Variants in JAK1 observed in about 807,000 individuals in gnomAD.
The protein encoded by JAK1 is tyrosine-protein kinase JAK1.
A neutral mutation model predicts 136.6 loss-of-function variants in JAK1; 16 were observed. The observed-to-expected ratio is 0.12, with a 90% CI of 0.08 to 0.18. The LOEUF is 0.18. Ranked by LOEUF, JAK1 falls within the 10% of genes least tolerant of loss-of-function variation. JAK1 has a pLI of 1.00. For synonymous variants in JAK1, 492 were observed against 519.5 expected (o/e 0.95, Z 0.72); for missense variants, 859 against 1,450.1 (o/e 0.59, Z 6.62).
At chr1:64,898,307 A>G (rs1217122252) in intron 1 of JAK1, among the ~76,000 whole-genome samples, 2 of 152,154 alleles carry the variant, frequency 1.3e-5, no homozygotes, top group Non-Finnish European at 2.9e-5. Context: ...TGCCCTTGGG[A>G]GTCACTCTGA....
intron 1 of JAK1, among the ~76,000 whole-genome samples, chr1:64,958,754 C>T (rs1032441238): frequency 6.6e-6 from 1 of 152,148 alleles, no homozygotes; most frequent in African/African-American, 2.4e-5. Flanking sequence ...TATAGCCTTA[C>T]TACAACCTGA....
chr1:65,026,024 T>G (rs1646975129), intron 2 of JAK1, among the ~76,000 whole-genome samples: 1 of 152,144 alleles, frequency 6.6e-6, no homozygotes, highest in African/African-American at 2.4e-5. Context: ...CCTCAAATTA[T>G]CATTCCAGCA....
At position 64,870,475 on chromosome 1, in the gene JAK1, C is replaced by A. The variant is rs1413171203; in HGVS notation, c.484-1001G>T. ...CTAACGTCAGGCAGTTATAAAACCC[C>A]AAGTCAAGTAGAAGAATTGAGTACC... On this transcript the variant is annotated intron_variant, in intron 5 of 24. Transcript: ENST00000342505. Among the ~76,000 whole-genome samples, 3 of 151,962 alleles carry A rather than the reference C, an allele frequency of 2.0e-5. No individual in the cohort carries two copies. In the East Asian group the frequency reaches 5.8e-4, roughly 29 times the overall value.
intron 1 of JAK1, among the ~76,000 whole-genome samples, chr1:64,897,058 TG>T (rs1645024631): frequency 6.6e-6 from 1 of 151,952 alleles, no homozygotes; most frequent in Non-Finnish European, 1.5e-5. Context: ...ACGAAGAAGG[TG>T]GGATACAAAC....
In JAK1 at chr1:64,886,293, A is replaced by G. The variant is rs920781538; in HGVS notation, c.-29T>C. ...TTCAGCTGTCCAGTGTTCTCCAAGA[A>G]GCAAACTGGATTTTCTTCTCTACTT... On this transcript the variant is annotated 5_prime_UTR_variant, in exon 2 of 25. Coordinates refer to ENST00000342505, the MANE Select transcript of JAK1 (RefSeq NM_002227.4). The G allele has an allele frequency of 6.3e-7, 1 of 1,594,992 alleles. No homozygotes were observed. The highest frequency in any genetic ancestry group is 8.5e-7 in the Non-Finnish European group (1 of 1,173,772).
intron 8 of JAK1, among the ~76,000 whole-genome samples, chr1:64,862,481 C>T (rs1018229125): frequency 1.3e-5 from 2 of 152,170 alleles, no homozygotes; most frequent in Non-Finnish European, 2.9e-5. Context: ...TAAAGAAAAA[C>T]AAACTAATGG....
At chr1:64,971,854 C>T (rs1052363341) in intron 2 of JAK1, among the ~76,000 whole-genome samples, 7 of 152,168 alleles carry the variant, frequency 4.6e-5, no homozygotes, top group Non-Finnish European at 1.0e-4. Context: ...CCACCGTGCT[C>T]GGCCTTATCT....
At chr1:64,910,041 T>C (rs1645256336) in intron 1 of JAK1, among the ~76,000 whole-genome samples, 1 of 152,218 alleles carries the variant, frequency 6.6e-6, no homozygotes, top group Non-Finnish European at 1.5e-5. Context: ...TAGGTCTCTG[T>C]ACCACAAAAG....
intron 1 of JAK1, among the ~76,000 whole-genome samples, chr1:65,058,833 G>A (rs1390088683): frequency 6.6e-6 from 1 of 152,070 alleles, no homozygotes; most frequent in Non-Finnish European, 1.5e-5. Context: ...TCCATGCATG[G>A]ATTCACTGAC....
intron 9 of JAK1, 114 bp from the exon 10 acceptor site, chr1:64,857,893 C>A: frequency 7.9e-7 from 1 of 1,272,530 alleles, no homozygotes; most frequent in East Asian, 2.3e-5. Flanking sequence ...ATCACACTAT[C>A]TGCCCTGCCT....
chr1:65,023,715 C>T (rs1646954976), intron 2 of JAK1, among the ~76,000 whole-genome samples: 1 of 152,036 alleles, frequency 6.6e-6, no homozygotes, highest in African/African-American at 2.4e-5. Flanking sequence ...GATCTCCTGA[C>T]TTCATGATCC....
intron 5 of JAK1, among the ~76,000 whole-genome samples, chr1:64,872,759 C>A (rs1044274353): frequency 6.6e-6 from 1 of 152,054 alleles, no homozygotes; most frequent in African/African-American, 2.4e-5. Context: ...TAAAAAAAAT[C>A]AGATGAATAA....
chr1:65,052,629 C>G (rs1410530588), intron 1 of JAK1, among the ~76,000 whole-genome samples: 1 of 151,866 alleles, frequency 6.6e-6, no homozygotes, highest in Non-Finnish European at 1.5e-5. Context: ...CTGGCTAACA[C>G]GATGAAATCC....
intron 2 of JAK1, among the ~76,000 whole-genome samples, chr1:65,005,409 A>G (rs566570313): frequency 6.6e-6 from 1 of 152,262 alleles, no homozygotes; most frequent in Non-Finnish European, 1.5e-5. Context: ...GGAGGGGAAG[A>G]TGATGAGAGG....
chr1:65,018,909 G>A (rs1477285875), intron 2 of JAK1, among the ~76,000 whole-genome samples: 1 of 152,186 alleles, frequency 6.6e-6, no homozygotes, highest in Non-Finnish European at 1.5e-5. Flanking sequence ...TACTCGGGAG[G>A]CTGAGGCAGG....
rs545987280 is a variant in JAK1 at position 64,920,203 on chromosome 1, C to T, written c.-77-33862G>A. ...AAAGTATTTCCAAATCTGAAATTGA[C>T]GGAAACAGGGAAAAGTGGCTTACAC... On this transcript the variant is annotated intron_variant, in intron 1 of 24. Transcript: ENST00000342505. Among the ~76,000 whole-genome samples, 11 of 152,132 alleles carry T rather than the reference C, an allele frequency of 7.2e-5. No individual in the cohort carries two copies. In the South Asian group the frequency reaches 1.9e-3, roughly 26 times the overall value.
intron 2 of JAK1, chr1:64,974,648 G>A (rs1646482084): frequency 6.6e-6 from 1 of 152,228 alleles, no homozygotes; most frequent in South Asian, 2.1e-4. Flanking sequence ...AAATGCCTGT[G>A]AAGGATCAAG....
chr1:65,053,030 CAAAA>C (rs780968006), intron 1 of JAK1, among the ~76,000 whole-genome samples: 55 of 43,710 alleles, frequency 1.3e-3, no homozygotes, highest in African/African-American at 2.4e-3. Flanking sequence ...ACTCTTGTCT[CAAAA>C]AAAAAAAAAA....
chr1:64,956,553 T>C (rs1260871666), intron 1 of JAK1, among the ~76,000 whole-genome samples: 1 of 152,220 alleles, frequency 6.6e-6, no homozygotes, highest in Non-Finnish European at 1.5e-5. Context: ...TCACTACCCA[T>C]ACCTTGCTAA....
Sources: gnomAD v4.1 joint callset for allele counts (sites outside exome capture counted in the v4.1 genomes callset) on GRCh38, gnomAD v4.1.1 for gene constraint, MANE v1.5 for transcripts, NCBI Gene and HGNC (gene_info 2026-07-23, HGNC 2026-07-21) for gene names.